The following ANP32E variants were observed in gnomAD, a reference collection of about 807,000 sequenced individuals.
The protein encoded by ANP32E is acidic leucine-rich nuclear phosphoprotein 32 family member E.
A neutral mutation model predicts 35.3 loss-of-function variants in ANP32E; 14 were observed. The observed-to-expected ratio is 0.40, with a 90% CI of 0.26 to 0.62. ANP32E has a LOEUF of 0.62. ANP32E is among the 20% of genes least tolerant of loss of function. ANP32E has a pLI of 0.45. For synonymous variants in ANP32E, 89 were observed against 110.4 expected, an observed-to-expected ratio of 0.81 and a Z score of 1.22; for missense variants, 198 against 304.4, an observed-to-expected ratio of 0.65 and a Z score of 2.60.
chr1:150,225,042 T>A (rs1309138384), intron 5 of ANP32E, among the ~76,000 whole-genome samples: 1 of 152,184 alleles, frequency 6.6e-6, no homozygotes, highest in Admixed American at 6.6e-5. Context: ...GGCAATAGAA[T>A]TCTGATCACG....
Position 150,235,628 on chromosome 1 carries a change from G to T in ANP32E, c.54+105C>A. On this transcript the variant is annotated intron_variant, in intron 1 of 6. Transcript: ENST00000583931. The surrounding 1 kb of genome is among the most constrained non-coding windows in gnomAD (Gnocchi z 4.2). The stretch of plus-strand genomic sequence containing the variant: ...CCCAACCCTAACCCGGGGGGATGGG[G>T]GCTAACTTATTACTCCATCCCCGCA... The T allele has an allele frequency of 7.9e-7, 1 of 1,270,978 alleles. No homozygotes were observed. The highest frequency in any genetic ancestry group is 1.1e-6 in the Non-Finnish European group (1 of 894,788). The allele number at this position is 1,270,978 out of a possible 1,614,324, so 78.7% of individuals were successfully genotyped here.
At chr1:150,223,078 T>C (rs1648565973) in intron 6 of ANP32E, 108 bp downstream of exon 6, 9 of 1,273,270 alleles carry the variant, frequency 7.1e-6, no homozygotes, top group Non-Finnish European at 9.6e-6. Flanking sequence ...TCAGTAAAAA[T>C]TGGCATTATA....
intron 5 of ANP32E, among the ~76,000 whole-genome samples, chr1:150,226,314 T>G (rs1187117631): frequency 6.6e-6 from 1 of 152,172 alleles, no homozygotes; most frequent in East Asian, 1.9e-4. Flanking sequence ...GCCTAATCTG[T>G]TTTATAAATG....
At position 150,226,826 on chromosome 1, in the gene ANP32E, G is replaced by A. The variant is rs1553840246; in HGVS notation, c.494-31C>T. On this transcript the variant is annotated intron_variant, in intron 4 of 6. Coordinates refer to ENST00000583931, the MANE Select transcript of ANP32E (RefSeq NM_030920.5). ...AAAAATCATTTAAAGATGAGTAAAT[G>A]ACTGGGTAAATGTTTCTTCCTAGGA... is the stretch of plus-strand genomic sequence containing the variant. 13 of 1,580,900 alleles carry A rather than the reference G, an allele frequency of 8.2e-6. No homozygotes were observed. In the East Asian group the frequency reaches 2.7e-4, roughly 33 times the overall value.
At chr1:150,232,035 T>A in intron 1 of ANP32E, 109 bp from the exon 2 acceptor site, 1 of 1,152,330 alleles carries the variant, frequency 8.7e-7, no homozygotes, top group Non-Finnish European at 1.2e-6. Context: ...ATCTCCAGTT[T>A]GATTGCCCGT....
chr1:150,233,283 A>C (rs1172279504), intron 1 of ANP32E, among the ~76,000 whole-genome samples: 6 of 151,624 alleles, frequency 4.0e-5, no homozygotes, highest in African/African-American at 1.4e-4. Flanking sequence ...AAAAAAAAAA[A>C]AAAAACCTAC....
At chr1:150,228,148 G>A (rs141256111) in intron 4 of ANP32E, among the ~76,000 whole-genome samples, 166 of 150,604 alleles carry the variant, frequency 1.1e-3, no homozygotes, top group African/African-American at 3.8e-3. Flanking sequence ...TAACTCTGTC[G>A]CCCAGGCTAC....
intron 5 of ANP32E, 108 bp downstream of exon 5, chr1:150,226,500 C>A: frequency 1.5e-6 from 2 of 1,361,696 alleles, no homozygotes; most frequent in Non-Finnish European, 1.0e-6. Context: ...CATATGCACA[C>A]CCACAACTTA....
intron 5 of ANP32E, among the ~76,000 whole-genome samples, chr1:150,223,767 CAG>C (rs1648641981): frequency 7.3e-6 from 1 of 136,392 alleles, no homozygotes; most frequent in Non-Finnish European, 1.5e-5. Flanking sequence ...TTTTTTGAGA[CAG>C]AGTTTCGCTC....
intron 6 of ANP32E, among the ~76,000 whole-genome samples, chr1:150,222,439 TAAAATA>T (rs1553838424): frequency 7.4e-5 from 2 of 26,986 alleles, no homozygotes; most frequent in Non-Finnish European, 1.1e-4. Context: ...AATAAATAAA[TAAAATA>T]AAATAAAATA....
At chr1:150,221,536 GGAGGGAGGGAGGGAGGGAGGGAAGGA>G (rs2101756006) in intron 6 of ANP32E, among the ~76,000 whole-genome samples, 2 of 35,592 alleles carry the variant, frequency 5.6e-5, no homozygotes, top group Admixed American at 2.7e-4. Context: ...TGGGAGGAAG[GGAGGGAGGGAGGGAGGGAGGGAAGGA>G]AAGGAAGGAG....
rs782360044 is a variant in ANP32E, at chr1:150,223,220, GTCA to G, written c.699_701del (p.Asp234del). ...CCTCTTCTTCCCCTTCTTCAACATAGTCATCATCATCTTCTTCATCCTTGAAAT... is the reference window on the plus strand; with the variant it reads ...CCTCTTCTTCCCCTTCTTCAACATAGTCATCATCTTCTTCATCCTTGAAAT... On this transcript the variant is annotated inframe_deletion, in exon 6 of 7. Transcript: ENST00000583931. 1.8e-5 allele frequency: 27 copies of G among 1,525,088 alleles called. No individual in the cohort carries two copies. The highest frequency in any genetic ancestry group is 7.8e-5 in the Admixed American group (4 of 51,136). The allele number at this position is 1,525,088 out of a possible 1,614,324, so 94.5% of individuals were successfully genotyped here.
chr1:150,235,849 C>A lies in ANP32E; in HGVS notation c.-63G>T. The A allele has an allele frequency of 7.9e-7, 1 of 1,262,832 alleles. No individual in the cohort carries two copies. The highest frequency in any genetic ancestry group is 1.1e-6 in the Non-Finnish European group (1 of 883,798). 78.2% of individuals were successfully genotyped at this position (1,262,832 alleles called of 1,614,324 possible). On this transcript the variant is annotated 5_prime_UTR_variant, in exon 1 of 7. Transcript: ENST00000583931. The surrounding 1 kb of genome is among the most constrained non-coding windows in gnomAD (Gnocchi z 4.2). ...CCTTTCCTGCCTTCCCCAATACCCC[C>A]AACCCAAAATTTTTAAGAGATTTAG...
chr1:150,223,699 A>AC (rs1170949311), intron 5 of ANP32E, among the ~76,000 whole-genome samples: 6 of 146,512 alleles, frequency 4.1e-5, no homozygotes, highest in Non-Finnish European at 9.0e-5. Context: ...AAAAAAAAAA[A>AC]AACCTAAACT....
intron 6 of ANP32E, among the ~76,000 whole-genome samples, chr1:150,222,619 A>G (rs1648520905): frequency 6.6e-6 from 1 of 150,832 alleles, no homozygotes; most frequent in Non-Finnish European, 1.5e-5. Flanking sequence ...TTAGCTGGGC[A>G]TGATGGTGTG....
In ANP32E at chr1:150,230,816, A is replaced by G. The variant is rs1392202616; in HGVS notation, c.205-123T>C. 5.4e-5 allele frequency: 44 copies of G among 819,874 alleles called. No individual in the cohort carries two copies. The East Asian group carries it at 1.2e-3, about 23-fold the overall frequency. The allele number at this position is 819,874 out of a possible 1,614,324, so 50.8% of individuals were successfully genotyped here. ...GAGTGCAGTGGTGCGATCTCCACTC[A>G]CTGCAACCTCCGCCTCCTGGGTTCA... On this transcript the variant is annotated intron_variant, in intron 2 of 6. Coordinates refer to ENST00000583931, the MANE Select transcript of ANP32E (RefSeq NM_030920.5).
chr1:150,231,754 G>A, intron 2 of ANP32E, 23 bp downstream of exon 2: 1 of 1,599,994 alleles, frequency 6.3e-7, no homozygotes, highest in Non-Finnish European at 8.5e-7. Flanking sequence ...AAATCATGAT[G>A]CTTCACGTAA....
chr1:150,228,929 T>C (rs1553840837), intron 4 of ANP32E, 143 bp downstream of exon 4: 3 of 662,832 alleles, frequency 4.5e-6, no homozygotes, highest in Admixed American at 6.3e-5. Flanking sequence ...GCTAGAGCTA[T>C]GGGTTTTTAA....
chr1:150,224,130 A>T (rs1258732262), intron 5 of ANP32E, among the ~76,000 whole-genome samples: 1 of 152,218 alleles, frequency 6.6e-6, no homozygotes, highest in African/African-American at 2.4e-5. Context: ...GTAAGCTATA[A>T]GGAGCGAAAG....
Sources: gnomAD v4.1 joint callset for allele counts (sites outside exome capture counted in the v4.1 genomes callset) on GRCh38, gnomAD v4.1.1 for gene constraint, Gnocchi (gnomAD v3.1) non-coding constraint, MANE v1.5 for transcripts, NCBI Gene and HGNC (gene_info 2026-07-23, HGNC 2026-07-21) for gene names.